The following TBC1D16 variants were observed in gnomAD, a reference collection of about 807,000 sequenced individuals.
TBC1D16 encodes CTD-2529O21.1.
A neutral mutation model predicts 74.7 loss-of-function variants in TBC1D16; 58 were observed. The observed-to-expected ratio is 0.78, with a 90% CI of 0.63 to 0.97. The LOEUF (loss-of-function observed/expected upper bound fraction) is 0.97. Among genes scored for constraint, TBC1D16 ranks in the 50% least tolerant of loss-of-function variants. The pLI is 0.00. For synonymous variants in TBC1D16, 493 were observed against 474.7 expected, an observed-to-expected ratio of 1.04 and a Z score of -0.50; for missense variants, 1,014 against 1,079.5, an observed-to-expected ratio of 0.94 and a Z score of 0.85.
chr17:79,991,318 C>CA (rs1259369035), intron 3 of TBC1D16, among the ~76,000 whole-genome samples: 1 of 152,194 alleles, frequency 6.6e-6, no homozygotes, highest in East Asian at 1.9e-4. Context: ...GGCCAGAGGT[C>CA]AAACGTGTCT....
In TBC1D16 at chr17:79,950,841, G is replaced by T; in HGVS notation, c.1090-263C>A. On this transcript the variant is annotated intron_variant, in intron 5 of 11. Transcript: ENST00000310924. The surrounding 1 kb of genome is among the most constrained non-coding windows in gnomAD (Gnocchi z 4.6). ...CCCCCCACTCTCTCCAACCCCAGCC[G>T]CAAAAACGGAATGAATGCCTCGTTC... 2 of 1,524,650 alleles carry T rather than the reference G, an allele frequency of 1.3e-6. No individual in the cohort carries two copies. Among genetic ancestry groups the T allele is most frequent in the Non-Finnish European group, 1.8e-6 (2 of 1,140,234 alleles). The allele number at this position is 1,524,650 out of a possible 1,614,324, so 94.4% of individuals were successfully genotyped here. A position where few individuals can be genotyped will look rare whatever the true frequency, so the allele number is the denominator to read the frequency against.
chr17:79,973,563 A>T (rs1442768021), intron 3 of TBC1D16, among the ~76,000 whole-genome samples: 2 of 152,142 alleles, frequency 1.3e-5, no homozygotes, highest in African/African-American at 4.8e-5. Flanking sequence ...CAAAAAAAAT[A>T]GCCAGGTGTG....
chr17:79,951,654 T>C, intron 4 of TBC1D16, 57 bp from the exon 5 acceptor site: 1 of 1,578,330 alleles, frequency 6.3e-7, no homozygotes. Context: ...AACACGGGGG[T>C]TTTATTTCCA....
chr17:79,956,802 A>C lies in TBC1D16; in HGVS notation c.780-3984T>G, dbSNP rs919941456. Among the ~76,000 whole-genome samples, 1 of 152,118 alleles carries C rather than the reference A, an allele frequency of 6.6e-6. No individual in the cohort carries two copies. The highest frequency in any genetic ancestry group is 1.5e-5 in the Non-Finnish European group (1 of 67,990). ...TTAAGTTTGCTGAAAAAAGTCGATG[A>C]GAACCCAGCTGTAGGTCCCAAGCAC... is the stretch of plus-strand genomic sequence containing the variant. On this transcript the variant is annotated intron_variant, in intron 3 of 11. Coordinates refer to ENST00000310924, the MANE Select transcript of TBC1D16 (RefSeq NM_019020.4). This position sits in a 1 kb window ranked among gnomAD's most constrained non-coding sequence, Gnocchi z 4.0.
In TBC1D16 at chr17:79,979,496, G is replaced by C. The variant is rs2144256563; in HGVS notation, c.780-26678C>G. ...GCGGGAGGACCGCATAGCTGCAAAT[G>C]CATCTGGGCGTGAAGACGTCCCTGT... On this transcript the variant is annotated intron_variant, in intron 3 of 11. Transcript: ENST00000310924. This position sits in a 1 kb window ranked among gnomAD's most constrained non-coding sequence, Gnocchi z 4.8. Among the ~76,000 whole-genome samples the C allele has an allele frequency of 6.6e-6, 1 of 152,310 alleles. No individual in the cohort carries two copies. The highest frequency in any genetic ancestry group is 1.9e-4 in the East Asian group (1 of 5,178).
chr17:79,959,771 C>T (rs866810607), intron 3 of TBC1D16, among the ~76,000 whole-genome samples: 1 of 152,154 alleles, frequency 6.6e-6, no homozygotes, highest in African/African-American at 2.4e-5. Context: ...CCAGAAGAAT[C>T]CGTAAGAGAA....
chr17:79,944,260 C>T lies in TBC1D16; in HGVS notation c.1908+648G>A, dbSNP rs1032341365. ...CAAAAGGGTCCAGCCCTCCTGGATG[C>T]GTCGATGTGAGTTTTTTTTTTAAAA... On this transcript the variant is annotated intron_variant, in intron 10 of 11. Transcript: ENST00000310924. The surrounding 1 kb of genome is among the most constrained non-coding windows in gnomAD (Gnocchi z 7.7). Among the ~76,000 whole-genome samples, 4 of 152,080 alleles carry T rather than the reference C, an allele frequency of 2.6e-5. No homozygotes were observed. The highest frequency in any genetic ancestry group is 6.5e-5 in the Admixed American group (1 of 15,268).
intron 3 of TBC1D16, among the ~76,000 whole-genome samples, chr17:79,968,133 C>T (rs2033916173): frequency 6.6e-6 from 1 of 152,228 alleles, no homozygotes; most frequent in African/African-American, 2.4e-5. Context: ...GCTGGGATTA[C>T]AGGCGTGCGC....
chr17:80,022,227 T>C (rs2036310633), intron 1 of TBC1D16, among the ~76,000 whole-genome samples: 1 of 149,900 alleles, frequency 6.7e-6, no homozygotes, highest in East Asian at 1.9e-4. Flanking sequence ...GTTCATTGAG[T>C]GTTTATGTTG....
intron 7 of TBC1D16, 127 bp from the exon 8 acceptor site, chr17:79,949,133 T>A: frequency 7.7e-7 from 1 of 1,296,032 alleles, no homozygotes; most frequent in Non-Finnish European, 1.1e-6. Flanking sequence ...GGGCGGCTGC[T>A]GCCGGCTGCA....
At chr17:80,024,428 CTACACATCATAGACA>C in intron 1 of TBC1D16, among the ~76,000 whole-genome samples, 1 of 96,662 alleles carries the variant, frequency 1.0e-5, no homozygotes, top group East Asian at 3.0e-4. Context: ...GACACACACA[CTACACATCATAGACA>C]CACACACCAC....
chr17:79,953,232 A>T (rs2033167291), intron 3 of TBC1D16, among the ~76,000 whole-genome samples: 1 of 152,200 alleles, frequency 6.6e-6, no homozygotes, highest in South Asian at 2.1e-4. Flanking sequence ...GGGCTTTACT[A>T]AAACTGGTTG....
rs960763942 is a variant in TBC1D16, at chr17:79,990,201, C to T, written c.779+19959G>A. On this transcript the variant is annotated intron_variant, in intron 3 of 11. Transcript: ENST00000310924. The surrounding 1 kb of genome is among the most constrained non-coding windows in gnomAD (Gnocchi z 4.8). ...TCAGCTGCTCGGACGGAGGCTTCAA[C>T]TCAGCCTGAACTAGCCGCGTGGACA... is the stretch of plus-strand genomic sequence containing the variant. Among the ~76,000 whole-genome samples, 2 of 152,254 alleles carry T rather than the reference C, an allele frequency of 1.3e-5. No individual in the cohort carries two copies. Among genetic ancestry groups the T allele is most frequent in the Non-Finnish European group, 2.9e-5 (2 of 68,050 alleles).
At chr17:80,011,677 T>C (rs1276035024) in intron 2 of TBC1D16, among the ~76,000 whole-genome samples, 6 of 151,956 alleles carry the variant, frequency 3.9e-5, no homozygotes, top group Non-Finnish European at 5.9e-5. Context: ...GTACAAAAAA[T>C]TAGCCGGGCG....
rs531613338 is a variant in TBC1D16 at position 80,025,557 on chromosome 17, C to T, written c.-63+10238G>A. On this transcript the variant is annotated intron_variant, in intron 1 of 11. Coordinates refer to ENST00000310924, the MANE Select transcript of TBC1D16 (RefSeq NM_019020.4). The stretch of plus-strand genomic sequence containing the variant: ...TGCAGCAGTCCTGGCACCTGGGCTT[C>T]GGGGCCCGCCTGCTGGGAGCAGCCG... 3.0e-4 allele frequency among the ~76,000 whole-genome samples: 37 copies of T among 125,012 alleles called. No homozygotes were observed. In the South Asian group the frequency reaches 1.0e-2, roughly 34 times the overall value. The allele number at this position is 125,012 out of a possible 152,430, so 82.0% of individuals were successfully genotyped here.
Position 79,993,655 on chromosome 17 carries a change from G to A in TBC1D16, c.779+16505C>T, listed in dbSNP as rs1348078219. 1 of 152,258 alleles carries A rather than the reference G, an allele frequency of 6.6e-6. No homozygotes were observed. Among genetic ancestry groups the A allele is most frequent in the Non-Finnish European group, 1.5e-5 (1 of 68,056 alleles). 9.4% of individuals were successfully genotyped at this position (152,258 alleles called of 1,614,324 possible). ...GGTTACATTGCAACAGCCAGGCGTG[G>A]TTCCCCAGAGGTACGGTGTGAGCTC... On this transcript the variant is annotated intron_variant, in intron 3 of 11. Transcript: ENST00000310924. The surrounding 1 kb of genome is among the most constrained non-coding windows in gnomAD (Gnocchi z 5.1).
rs954821670 is a variant in TBC1D16, at chr17:80,009,265, C to T, written c.779+895G>A. The stretch of plus-strand genomic sequence containing the variant: ...GTCTGTGGTCACCACCATTATTTGC[C>T]CAGAAATCTAATGAGCGTAAGGACC... On this transcript the variant is annotated intron_variant, in intron 3 of 11. Coordinates refer to ENST00000310924, the MANE Select transcript of TBC1D16 (RefSeq NM_019020.4). This position sits in a 1 kb window ranked among gnomAD's most constrained non-coding sequence, Gnocchi z 5.4. 6.6e-6 allele frequency among the ~76,000 whole-genome samples: 1 copy of T among 152,224 alleles called. No individual in the cohort carries two copies. Among genetic ancestry groups the T allele is most frequent in the Non-Finnish European group, 1.5e-5 (1 of 68,032 alleles).
rs545388096 is a variant in TBC1D16, at chr17:79,952,834, A to G, written c.780-16T>C. 44 of 1,593,348 alleles carry G rather than the reference A, an allele frequency of 2.8e-5. No individual in the cohort carries two copies. The East Asian group carries it at 3.6e-4, about 13-fold the overall frequency. On this transcript the variant is annotated splice_polypyrimidine_tract_variant and intron_variant, in intron 3 of 11. Coordinates refer to ENST00000310924, the MANE Select transcript of TBC1D16 (RefSeq NM_019020.4). Reference sequence around the variant, plus strand: ...GGACGGGGGGCTGGTGGAACAGGTTATGTGATGATCGCCACACTTCTCCCT... The same window carrying G: ...GGACGGGGGGCTGGTGGAACAGGTTGTGTGATGATCGCCACACTTCTCCCT...
intron 1 of TBC1D16, among the ~76,000 whole-genome samples, chr17:80,018,113 A>G (rs1387721319): frequency 2.0e-5 from 3 of 152,014 alleles, no homozygotes; most frequent in African/African-American, 7.2e-5. Context: ...GCCGTCCTCT[A>G]GACCAGCCAT....
Sources: gnomAD v4.1 joint callset for allele counts (sites outside exome capture counted in the v4.1 genomes callset) on GRCh38, gnomAD v4.1.1 for gene constraint, Gnocchi (gnomAD v3.1) non-coding constraint, MANE v1.5 for transcripts, NCBI Gene and HGNC (gene_info 2026-07-23, HGNC 2026-07-21) for gene names.